PRR12: variants seen among roughly 807,000 people sequenced by gnomAD.
PRR12 encodes proline rich 12, also known as proline-rich protein 12.
Under a neutral mutation model 138.0 loss-of-function variants are expected in PRR12, and 12 were observed. That is an observed-to-expected ratio of 0.09 (90% CI 0.06 to 0.14). The LOEUF (loss-of-function observed/expected upper bound fraction) is 0.14. PRR12 is among the 10% of genes least tolerant of loss of function. The pLI, the probability that PRR12 is intolerant of heterozygous loss-of-function variation, is 1.00. For synonymous variants in PRR12, 1,567 were observed against 1,291.7 expected, an observed-to-expected ratio of 1.21 and a Z score of -4.57; for missense variants, 2,692 against 2,861.3, an observed-to-expected ratio of 0.94 and a Z score of 1.35.
chr19:49,616,175 G>C lies in PRR12; in HGVS notation c.5453G>C (p.Ser1818Thr), dbSNP rs1192459919. 1.3e-6 allele frequency: 2 copies of C among 1,556,238 alleles called. No individual in the cohort carries two copies. Among genetic ancestry groups the C allele is most frequent in the Non-Finnish European group, 1.7e-6 (2 of 1,150,334 alleles). The change falls in exon 9 of 14, where the codon AGC becomes ACC. Residue 1818 changes from serine (S) to threonine (T), a missense_variant. Coordinates refer to ENST00000418929, the MANE Select transcript of PRR12 (RefSeq NM_020719.3). This position sits in a 1 kb window ranked among gnomAD's most constrained non-coding sequence, Gnocchi z 4.2. ...NATAGGGPPG[S>T]SSDSESSPGA... ...ACAGCAGGCGGGGGCCCACCAGGCA[G>C]CTCCTCGGACTCGGAGTCCTCCCCT...
At position 49,597,595 on chromosome 19, in the gene PRR12, C is replaced by T; in HGVS notation, c.3260C>T (p.Pro1087Leu). The T allele has an allele frequency of 1.9e-6, 3 of 1,609,220 alleles. No homozygotes were observed. The highest frequency in any genetic ancestry group is 1.3e-5 in the African/African-American group (1 of 74,934). ...CACCTGCTGCGGCGCCGCGACCCAC[C>T]CTTCCAGACCCCCAAGAAGCTGTAC... ...SFHLLRRRDP[P>L]FQTPKKLYAQ... The change falls in exon 4 of 14, where the codon CCC (proline) becomes CTC (leucine). Residue 1087 changes from proline to leucine, a missense_variant. Physicochemically the swap from Pro to Leu is moderately conservative, Grantham distance 98. This residue lies in a region of PRR12 where 840 missense variants were observed against 689.8 expected (regional missense o/e 1.22). Coordinates refer to ENST00000418929, the MANE Select transcript of PRR12 (RefSeq NM_020719.3). The surrounding 1 kb of genome is among the most constrained non-coding windows in gnomAD (Gnocchi z 6.3).
chr19:49,620,560 G>T, intron 10 of PRR12, 83 bp downstream of exon 10: 2 of 1,531,502 alleles, frequency 1.3e-6, no homozygotes, highest in Non-Finnish European at 1.8e-6. Context: ...TGATGTGAGA[G>T]AGGAGAGGTT....
chr19:49,594,934 C>T lies in PRR12; in HGVS notation c.599C>T (p.Pro200Leu). The change falls in exon 4 of 14, where the codon CCC (proline) becomes CTC (leucine). Residue 200 changes from proline (P) to leucine (L), a missense_variant. Physicochemically the swap from Pro to Leu is moderately conservative, Grantham distance 98 (BLOSUM62 -3). Transcript: ENST00000418929. This position sits in a 1 kb window ranked among gnomAD's most constrained non-coding sequence, Gnocchi z 5.6. ...HLKPSQAPTVPSSLGFERLAG... is the reference protein window; with the variant it reads ...HLKPSQAPTVLSSLGFERLAG... The stretch of plus-strand genomic sequence containing the variant: ...AAGCCCTCGCAGGCACCCACGGTGC[C>T]CTCTTCACTGGGCTTCGAGCGCCTG... 6.2e-7 allele frequency: 1 copy of T among 1,605,862 alleles called. No homozygotes were observed. Among genetic ancestry groups the T allele is most frequent in the East Asian group, 2.2e-5 (1 of 44,496 alleles).
rs1555742564 is a variant in PRR12, at chr19:49,607,361, G to GCGCGCGCACACACACACA, written c.4773+5444_4773+5445insGCGCGCACACACACACAC. Among the ~76,000 whole-genome samples the GCGCGCGCACACACACACA allele has an allele frequency of 1.8e-4, 27 of 147,864 alleles. No individual in the cohort carries two copies. The South Asian group carries it at 4.3e-3, about 23-fold the overall frequency. On this transcript the variant is annotated intron_variant, in intron 6 of 13. Coordinates refer to ENST00000418929, the MANE Select transcript of PRR12 (RefSeq NM_020719.3). ...GAGTGAGCCTCTGTCATGTACGTGT[G>GCGCGCGCACACACACACA]CACACACACACACACACACAGAGTT... is the stretch of plus-strand genomic sequence containing the variant.
chr19:49,597,389 G>A lies in PRR12; in HGVS notation c.3054G>A (p.Leu1018=), dbSNP rs528989579. The change falls in exon 4 of 14, where the codon CTG becomes CTA. Residue 1018 remains leucine, a synonymous_variant. Coordinates refer to ENST00000418929, the MANE Select transcript of PRR12 (RefSeq NM_020719.3). This position sits in a 1 kb window ranked among gnomAD's most constrained non-coding sequence, Gnocchi z 6.3. Reference sequence around the variant, plus strand: ...TGGACCCCAACAAACCGCCTGAACTGCCCTCCACGGTCAACGCCGAGCCGC... The same window carrying A: ...TGGACCCCAACAAACCGCCTGAACTACCCTCCACGGTCAACGCCGAGCCGC... ...LGLDPNKPPE[L]PSTVNAEPLG... 9 of 1,537,666 alleles carry A rather than the reference G, an allele frequency of 5.9e-6. No homozygotes were observed. Among genetic ancestry groups the A allele is most frequent in the African/African-American group, 1.4e-5 (1 of 73,094 alleles).
chr19:49,623,946 C>T (rs2080939374), intron 11 of PRR12, among the ~76,000 whole-genome samples: 1 of 142,468 alleles, frequency 7.0e-6, no homozygotes, highest in South Asian at 2.3e-4. Flanking sequence ...TAGGATGGGG[C>T]TGGGAATTCT....
At chr19:49,598,073 G>C (rs1401311713) in intron 4 of PRR12, 60 bp downstream of exon 4, 1 of 1,195,408 alleles carries the variant, frequency 8.4e-7, no homozygotes, top group Non-Finnish European at 1.1e-6. Context: ...CGATGTTTGA[G>C]TCTTTTTTTT....
At chr19:49,604,708 AT>A (rs2080829541) in intron 6 of PRR12, among the ~76,000 whole-genome samples, 1 of 152,142 alleles carries the variant, frequency 6.6e-6, no homozygotes, top group East Asian at 1.9e-4. Context: ...GAATATTGAC[AT>A]TGTTAAATGA....
rs758600606 is a variant in PRR12, at chr19:49,593,400, C to A, written c.160C>A (p.His54Asn). 3 of 1,611,626 alleles carry A rather than the reference C, an allele frequency of 1.9e-6. No homozygotes were observed. The highest frequency in any genetic ancestry group is 2.2e-5 in the South Asian group (2 of 91,010). Residue 54 changes from histidine to asparagine, a missense_variant, in exon 2 of 14, where the codon CAC becomes AAC. By Grantham distance (68) the His-to-Asn change is moderately conservative. Around this residue, in one of 11 missense-constraint regions of PRR12, gnomAD observed 211 missense variants for 266.3 expected, o/e 0.79. Coordinates refer to ENST00000418929, the MANE Select transcript of PRR12 (RefSeq NM_020719.3). ...ACACCGCCAGGCCTATGCGGCCCCCCACCCACTGCAAAGCTATGCCACCAA... is the reference window on the plus strand; with the variant it reads ...ACACCGCCAGGCCTATGCGGCCCCCAACCCACTGCAAAGCTATGCCACCAA... The part of the protein sequence containing the change: ...ILHRQAYAAP[H>N]PLQSYATNHH...
At chr19:49,611,871 C>T (rs2080867954) in intron 6 of PRR12, among the ~76,000 whole-genome samples, 2 of 127,212 alleles carry the variant, frequency 1.6e-5, no homozygotes, top group African/African-American at 6.4e-5. Flanking sequence ...TGCAGTGAGC[C>T]GAGGTCGCGC....
chr19:49,619,392 C>CGT (rs1397167625), intron 9 of PRR12, among the ~76,000 whole-genome samples: 1 of 146,546 alleles, frequency 6.8e-6, no homozygotes, highest in African/African-American at 2.5e-5. Context: ...CGCACCACCA[C>CGT]ACCCGGCTAA....
intron 6 of PRR12, among the ~76,000 whole-genome samples, chr19:49,607,532 G>GC (rs907224462): frequency 1.5e-4 from 22 of 150,374 alleles, no homozygotes; most frequent in African/African-American, 3.9e-4. Flanking sequence ...ATGGCAAAAC[G>GC]CCCCCCCTAC....
chr19:49,596,417 C>T lies in PRR12; in HGVS notation c.2082C>T (p.Asp694=), dbSNP rs777023768. The T allele has an allele frequency of 6.8e-5, 110 of 1,609,076 alleles. No homozygotes were observed. Among genetic ancestry groups the T allele is most frequent in the Non-Finnish European group, 8.8e-5 (104 of 1,179,384 alleles). The change falls in exon 4 of 14, where the codon GAC becomes GAT. Residue 694 remains aspartate, a synonymous_variant. Transcript: ENST00000418929. This position sits in a 1 kb window ranked among gnomAD's most constrained non-coding sequence, Gnocchi z 5.6. ...PGTPYELAKE[D]PQRYHLQSVI... ...CACCCTACGAGTTGGCCAAGGAAGA[C>T]CCCCAGAGGTACCACCTGCAGAGTG...
chr19:49,623,613 CAG>C (rs1041467475), intron 11 of PRR12, among the ~76,000 whole-genome samples: 1 of 145,654 alleles, frequency 6.9e-6, no homozygotes, highest in African/African-American at 2.6e-5. Context: ...GCCTGGGCGA[CAG>C]AGCGAGACTT....
chr19:49,616,204 G>T lies in PRR12; in HGVS notation c.5482G>T (p.Ala1828Ser). The change falls in exon 9 of 14, where the codon GCC becomes TCC. Residue 1828 changes from alanine (A) to serine (S), a missense_variant. By Grantham distance (99) the Ala-to-Ser change is moderately conservative. Coordinates refer to ENST00000418929, the MANE Select transcript of PRR12 (RefSeq NM_020719.3). The surrounding 1 kb of genome is among the most constrained non-coding windows in gnomAD (Gnocchi z 4.2). ...CTCGGACTCGGAGTCCTCCCCTGGA[G>T]CCCCCAGCGAGGACGGTGAGGCCCT... ...SSSDSESSPG[A>S]PSEDERAVPG... is the part of the protein sequence containing the mutation. The T allele has an allele frequency of 1.3e-6, 2 of 1,539,486 alleles. No homozygotes were observed. The highest frequency in any genetic ancestry group is 2.5e-5 in the South Asian group (2 of 81,434).
chr19:49,595,558 C>A lies in PRR12; in HGVS notation c.1223C>A (p.Pro408Gln), dbSNP rs558152320. Residue 408 changes from proline to glutamine, a missense_variant, in exon 4 of 14, where the codon CCA becomes CAA. Pro to Gln is a moderately conservative substitution (Grantham distance 76). This residue lies in a region of PRR12 where 523 missense variants were observed against 496.4 expected (regional missense o/e 1.05). Coordinates refer to ENST00000418929, the MANE Select transcript of PRR12 (RefSeq NM_020719.3). ...GCCGGGGGTGCCACCAGGCCCCCCC[C>A]ACCCCGTTCGACCGCCACCCCCAAA... ...AAAGGATRPP[P>Q]PRSTATPKCQ... The A allele has an allele frequency of 4.1e-5, 65 of 1,588,522 alleles. No homozygotes were observed. Among genetic ancestry groups the A allele is most frequent in the African/African-American group, 3.2e-4 (24 of 74,518 alleles).
intron 6 of PRR12, among the ~76,000 whole-genome samples, chr19:49,611,507 A>G (rs2080865673): frequency 6.6e-6 from 1 of 151,684 alleles, no homozygotes; most frequent in South Asian, 2.1e-4. Flanking sequence ...CCCTAGTGGC[A>G]GGTGCCTGTA....
chr19:49,622,928 T>TATATATATAGAGAG, intron 11 of PRR12, among the ~76,000 whole-genome samples: 1 of 77,768 alleles, frequency 1.3e-5, no homozygotes, highest in South Asian at 4.8e-4. Context: ...TATATATATA[T>TATATATATAGAGAG]AGAGAGAGAG....
rs2080769158 is a variant in PRR12 at position 49,596,394 on chromosome 19, C to T, written c.2059C>T (p.Pro687Ser). The T allele has an allele frequency of 1.9e-6, 3 of 1,605,286 alleles. No homozygotes were observed. Reference protein sequence around the residue: ...SGGAGGPPGTPYELAKEDPQR... With the variant: ...SGGAGGPPGTSYELAKEDPQR... ...CGGGGCCGGGGGACCACCGGGTACA[C>T]CCTACGAGTTGGCCAAGGAAGACCC... The change falls in exon 4 of 14, where the codon CCC becomes TCC. Residue 687 changes from proline (P) to serine (S), a missense_variant. By Grantham distance (74) the Pro-to-Ser change is moderately conservative. Around this residue, in one of 11 missense-constraint regions of PRR12, gnomAD observed 840 missense variants for 689.8 expected, o/e 1.22. Coordinates refer to ENST00000418929, the MANE Select transcript of PRR12 (RefSeq NM_020719.3). This position sits in a 1 kb window ranked among gnomAD's most constrained non-coding sequence, Gnocchi z 5.6.
Sources: gnomAD v4.1 joint callset for allele counts (sites outside exome capture counted in the v4.1 genomes callset) on GRCh38, gnomAD v4.1.1 for gene constraint, gnomAD v4.1.1 regional missense constraint, Gnocchi (gnomAD v3.1) non-coding constraint, MANE v1.5 for transcripts, NCBI Gene and HGNC (gene_info 2026-07-23, HGNC 2026-07-21) for gene names.